WBP2: variants seen among roughly 807,000 people sequenced by gnomAD.
The protein encoded by WBP2 is WW domain binding protein 2, also known as WW domain-binding protein 2.
In WBP2, 23 loss-of-function variants were observed where a neutral mutation model predicts 33.0. The ratio of observed to expected loss-of-function variants is 0.70; its 90% CI spans 0.50 to 0.99. The LOEUF is 0.99. Ranked by LOEUF, WBP2 falls within the 50% of genes least tolerant of loss-of-function variation. WBP2 has a pLI of 0.00. For missense variants in WBP2, 353 were observed against 358.0 expected, an observed-to-expected ratio of 0.99 and a Z score of 0.11; for synonymous variants, 153 against 133.5, an observed-to-expected ratio of 1.15 and a Z score of -1.01.
At position 75,846,818 on chromosome 17, in the gene WBP2, T is replaced by C. The variant is rs372470699; in HGVS notation, c.733-31A>G. 1.9e-6 allele frequency: 3 copies of C among 1,595,952 alleles called. No homozygotes were observed. Among genetic ancestry groups the C allele is most frequent in the Non-Finnish European group, 2.6e-6 (3 of 1,169,980 alleles). ...GAAGGGAGAAAGGAGAGACTTGCAT[T>C]AGAAGGTTTAAAACATGGTGCGGTC... On this transcript the variant is annotated intron_variant, in intron 7 of 7. Coordinates refer to ENST00000254806, the MANE Select transcript of WBP2 (RefSeq NM_012478.4). The surrounding 1 kb of genome is among the most constrained non-coding windows in gnomAD (Gnocchi z 4.8).
intron 1 of WBP2, chr17:75,852,840 AAG>A: frequency 1.0e-6 from 1 of 973,608 alleles, no homozygotes; most frequent in Non-Finnish European, 1.2e-6. Flanking sequence ...AAACATGTCT[AAG>A]AGATGACTGT....
At position 75,847,594 on chromosome 17, in the gene WBP2, G is replaced by A; in HGVS notation, c.548C>T (p.Pro183Leu). Reference sequence around the variant, plus strand: ...TCCCATGGCCCCGTCCATCATGGGGGGTCCTGGATAGAACTCTGCTCGGTG... The same window carrying A: ...TCCCATGGCCCCGTCCATCATGGGGAGTCCTGGATAGAACTCTGCTCGGTG... ...PPPPPEFYPG[P>L]PMMDGAMGYV... The change falls in exon 6 of 8, where the codon CCC becomes CTC. Residue 183 changes from proline (P) to leucine (L), a missense_variant. Coordinates refer to ENST00000254806, the MANE Select transcript of WBP2 (RefSeq NM_012478.4). The A allele has an allele frequency of 1.2e-6, 2 of 1,612,660 alleles. No homozygotes were observed. The highest frequency in any genetic ancestry group is 1.7e-6 in the Non-Finnish European group (2 of 1,179,406).
intron 6 of WBP2, 61 bp from the exon 7 acceptor site, chr17:75,847,045 G>C: frequency 6.3e-7 from 1 of 1,596,786 alleles, no homozygotes; most frequent in Non-Finnish European, 8.6e-7. Flanking sequence ...GCTCAGCTAA[G>C]AGACCCCGGG....
chr17:75,849,486 A>G, intron 3 of WBP2, 118 bp downstream of exon 3: 1 of 1,318,000 alleles, frequency 7.6e-7, no homozygotes, highest in Non-Finnish European at 1.0e-6. Context: ...CAGAGCTGGG[A>G]AGAGGTCATG....
intron 1 of WBP2, among the ~76,000 whole-genome samples, chr17:75,853,975 G>GC (rs2065042504): frequency 6.7e-6 from 1 of 149,692 alleles, no homozygotes; most frequent in East Asian, 1.9e-4. Context: ...AACCCAGGAG[G>GC]CGGAGGTTGC....
rs555013180 is a variant in WBP2 at position 75,851,497 on chromosome 17, C to A, written c.168+71G>T. 69 of 1,216,940 alleles carry A rather than the reference C, an allele frequency of 5.7e-5. 1 individual carries two copies. In the South Asian group the frequency reaches 7.6e-4, roughly 13 times the overall value. 75.4% of individuals were successfully genotyped at this position (1,216,940 alleles called of 1,614,324 possible). On this transcript the variant is annotated intron_variant, in intron 2 of 7. Coordinates refer to ENST00000254806, the MANE Select transcript of WBP2 (RefSeq NM_012478.4). ...CCTGACTCATGAGGCTGAGGCAGAC[C>A]TGAGACTAAGACTCACGTCACCTCC...
intron 1 of WBP2, chr17:75,855,035 C>G (rs2065049201): frequency 3.2e-6 from 1 of 316,402 alleles, no homozygotes; most frequent in East Asian, 6.5e-5. Context: ...CGTCCCACCC[C>G]CGCCTCCCAG....
chr17:75,855,302 T>C lies in WBP2; in HGVS notation c.-5A>G, dbSNP rs1387509229. ...GTGATTCTTGTTGAGCGCCATAGTC[T>C]CTCCAACAGGGGTCCCGAGACTCAA... On this transcript the variant is annotated 5_prime_UTR_variant, in exon 1 of 8. Coordinates refer to ENST00000254806, the MANE Select transcript of WBP2 (RefSeq NM_012478.4). 6.2e-7 allele frequency: 1 copy of C among 1,611,634 alleles called. No homozygotes were observed.
chr17:75,851,723 G>A (rs779143243), intron 1 of WBP2, 47 bp from the exon 2 acceptor site: 18 of 1,438,698 alleles, frequency 1.3e-5, no homozygotes, highest in African/African-American at 1.1e-4. Flanking sequence ...GTATGGAGAC[G>A]CGACGTCACC....
chr17:75,846,357 A>T lies in WBP2; in HGVS notation c.*377T>A. ...ACACCTGGCTGGTCTGAAGTGGCTCATGAGGCTGAGTGTAGCAGTGGGTGC... is the reference window on the plus strand; with the variant it reads ...ACACCTGGCTGGTCTGAAGTGGCTCTTGAGGCTGAGTGTAGCAGTGGGTGC... On this transcript the variant is annotated 3_prime_UTR_variant, in exon 8 of 8. Transcript: ENST00000254806. The surrounding 1 kb of genome is among the most constrained non-coding windows in gnomAD (Gnocchi z 4.8). The T allele has an allele frequency of 1.0e-5, 3 of 298,814 alleles. No homozygotes were observed. The highest frequency in any genetic ancestry group is 9.0e-5 in the South Asian group (3 of 33,438). The allele number at this position is 298,814 out of a possible 1,614,324, so 18.5% of individuals were successfully genotyped here. A position where few individuals can be genotyped will look rare whatever the true frequency, so the allele number is the denominator to read the frequency against.
chr17:75,855,114 C>A, intron 1 of WBP2, 125 bp downstream of exon 1: 4 of 355,236 alleles, frequency 1.1e-5, no homozygotes, highest in Non-Finnish European at 1.9e-5. Context: ...CCCAGCCGTT[C>A]CCCACCAACC....
At chr17:75,851,775 A>G (rs1373512220) in intron 1 of WBP2, 99 bp from the exon 2 acceptor site, 4 of 861,760 alleles carry the variant, frequency 4.6e-6, no homozygotes, top group Non-Finnish European at 7.8e-6. Flanking sequence ...CCGGCACGTC[A>G]GCTCTCATAA....
At chr17:75,850,515 G>A (rs1030002085) in intron 2 of WBP2, among the ~76,000 whole-genome samples, 1 of 152,148 alleles carries the variant, frequency 6.6e-6, no homozygotes, top group Non-Finnish European at 1.5e-5. Flanking sequence ...AAAGTGCTGG[G>A]ATTACAGGCA....
At chr17:75,854,298 T>C (rs2065045031) in intron 1 of WBP2, among the ~76,000 whole-genome samples, 1 of 152,168 alleles carries the variant, frequency 6.6e-6, no homozygotes, top group East Asian at 1.9e-4. Context: ...AGGTGCCTCC[T>C]AAGCTCCTTC....
intron 4 of WBP2, 78 bp from the exon 5 acceptor site, chr17:75,848,008 G>A: frequency 2.0e-6 from 3 of 1,518,890 alleles, no homozygotes; most frequent in East Asian, 4.9e-5. Context: ...GCCTGCAGAT[G>A]GGAGCTACTG....
chr17:75,849,861 T>A (rs1024228092), intron 2 of WBP2, 122 bp from the exon 3 acceptor site: 3 of 1,340,694 alleles, frequency 2.2e-6, no homozygotes, highest in South Asian at 1.4e-5. Flanking sequence ...GCCCCATGGC[T>A]CTCTCTGTGC....
rs569499509 is a variant in WBP2, at chr17:75,846,988, T to C, written c.656-4A>G. 1.2e-6 allele frequency: 2 copies of C among 1,614,026 alleles called. No homozygotes were observed. The highest frequency in any genetic ancestry group is 2.7e-5 in the African/African-American group (2 of 75,026). ...GCTTCTGCGGCCTTGGCTTCGGCTGTGAGAGCAAACACACCTGGTGTCGGT... is the reference window on the plus strand; with the variant it reads ...GCTTCTGCGGCCTTGGCTTCGGCTGCGAGAGCAAACACACCTGGTGTCGGT... On this transcript the variant is annotated splice_polypyrimidine_tract_variant and splice_region_variant and intron_variant, in intron 6 of 7. Coordinates refer to ENST00000254806, the MANE Select transcript of WBP2 (RefSeq NM_012478.4). This position sits in a 1 kb window ranked among gnomAD's most constrained non-coding sequence, Gnocchi z 4.8.
chr17:75,847,429 C>G lies in WBP2; in HGVS notation c.655+58G>C, dbSNP rs755467260. 13 of 1,559,832 alleles carry G rather than the reference C, an allele frequency of 8.3e-6. No individual in the cohort carries two copies. In the African/African-American group the frequency reaches 1.6e-4, roughly 20 times the overall value. The stretch of plus-strand genomic sequence containing the variant: ...TCTGGCCATTCTGAGGCTCTCTGTG[C>G]GACATCGGGGAGGAGAGGGCTGGTC... On this transcript the variant is annotated intron_variant, in intron 6 of 7. Coordinates refer to ENST00000254806, the MANE Select transcript of WBP2 (RefSeq NM_012478.4).
At chr17:75,853,991 G>A (rs2065042617) in intron 1 of WBP2, among the ~76,000 whole-genome samples, 1 of 144,814 alleles carries the variant, frequency 6.9e-6, no homozygotes, top group African/African-American at 2.6e-5. Flanking sequence ...GTTGCAGTGA[G>A]CTGAGATCGT....
Sources: allele counts gnomAD v4.1 joint callset (sites outside exome capture counted in the v4.1 genomes callset), GRCh38; gene constraint gnomAD v4.1.1; non-coding constraint Gnocchi (gnomAD v3.1); transcripts MANE v1.5; gene names NCBI Gene and HGNC (gene_info 2026-07-23, HGNC 2026-07-21).